Variants in ANAPC10 observed in about 807,000 individuals in gnomAD.
ANAPC10 encodes anaphase-promoting complex subunit 10.
Under a neutral mutation model 22.0 loss-of-function variants are expected in ANAPC10, and 12 were observed. That is an observed-to-expected ratio of 0.55 (90% CI 0.35 to 0.88). The LOEUF is 0.88. Ranked by LOEUF, ANAPC10 falls within the 40% of genes least tolerant of loss-of-function variation. The pLI is 0.01. For missense variants in ANAPC10, 188 were observed against 220.9 expected (o/e 0.85, Z 0.94); for synonymous variants, 65 against 69.5 (o/e 0.94, Z 0.32).
chr4:145,031,949 C>T (rs1302607650), intron 4 of ANAPC10, among the ~76,000 whole-genome samples: 1 of 152,200 alleles, frequency 6.6e-6, no homozygotes, highest in African/African-American at 2.4e-5. Flanking sequence ...TGCACAGCAG[C>T]ATTCCATTAT....
At chr4:144,996,678 T>C (rs1328659559) in intron 4 of ANAPC10, among the ~76,000 whole-genome samples, 2 of 152,108 alleles carry the variant, frequency 1.3e-5, no homozygotes, top group Admixed American at 6.5e-5. Context: ...GCACCTCTTC[T>C]CCTCCAAAGA....
chr4:145,022,202 C>G (rs1401027293), intron 4 of ANAPC10, among the ~76,000 whole-genome samples: 1 of 152,094 alleles, frequency 6.6e-6, no homozygotes, highest in Non-Finnish European at 1.5e-5. Context: ...AAGATACTTG[C>G]ACACACGTTT....
At chr4:145,008,953 C>T (rs1018372902) in intron 4 of ANAPC10, among the ~76,000 whole-genome samples, 30 of 151,988 alleles carry the variant, frequency 2.0e-4, no homozygotes, top group African/African-American at 5.3e-4. Flanking sequence ...CTGTCTCAGC[C>T]CAAAATCTCC....
In ANAPC10 at chr4:144,995,386, C is replaced by T. The variant is rs1731459048; in HGVS notation, c.545G>A (p.Arg182His). 3.1e-6 allele frequency: 5 copies of T among 1,607,216 alleles called. No individual in the cohort carries two copies. Among genetic ancestry groups the T allele is most frequent in the Non-Finnish European group, 4.3e-6 (5 of 1,174,942 alleles). Residue 182 changes from arginine (R) to histidine (H), a missense_variant, in exon 5 of 5, where the codon CGT becomes CAT. Arg to His is a conservative substitution (Grantham distance 29). Coordinates refer to ENST00000507656, the MANE Select transcript of ANAPC10 (RefSeq NM_001256706.2). ...RCTTIDFMMY[R>H]SIR The stretch of plus-strand genomic sequence containing the variant: ...CTCATTTTAAAGTCACCTTATTGAA[C>T]GATACATCATGAAATCTATAGTTGT...
chr4:145,054,072 C>A (rs1015066745), intron 4 of ANAPC10, among the ~76,000 whole-genome samples: 1 of 151,602 alleles, frequency 6.6e-6, no homozygotes, highest in African/African-American at 2.4e-5. Flanking sequence ...CCATTCCCAG[C>A]TAATTTTTCT....
At chr4:145,066,993 G>A (rs1253433436) in intron 3 of ANAPC10, among the ~76,000 whole-genome samples, 1 of 152,048 alleles carries the variant, frequency 6.6e-6, no homozygotes, top group Non-Finnish European at 1.5e-5. Context: ...TCTAAGCCAT[G>A]AGTTATTATC....
intron 3 of ANAPC10, among the ~76,000 whole-genome samples, chr4:145,066,500 G>A (rs1482991301): frequency 1.3e-5 from 2 of 151,564 alleles, no homozygotes; most frequent in African/African-American, 4.8e-5. Context: ...TTTTAAGGAA[G>A]AAAAGAAAGG....
At chr4:145,094,036 C>T (rs778378987) in intron 2 of ANAPC10, among the ~76,000 whole-genome samples, 66 of 152,250 alleles carry the variant, frequency 4.3e-4, no homozygotes, top group African/African-American at 1.5e-3. Context: ...AATTTGGAAG[C>T]GGTCCACAGA....
intron 4 of ANAPC10, among the ~76,000 whole-genome samples, chr4:145,061,194 G>A (rs1742835184): frequency 2.0e-5 from 3 of 151,924 alleles, no homozygotes; most frequent in African/African-American, 7.2e-5. Flanking sequence ...ACCTATAAGA[G>A]CTCTTTTTCT....
intron 3 of ANAPC10, among the ~76,000 whole-genome samples, chr4:145,068,962 G>A (rs1365541103): frequency 6.6e-6 from 1 of 152,162 alleles, no homozygotes; most frequent in Non-Finnish European, 1.5e-5. Flanking sequence ...ATGCTAAGAT[G>A]AAAGTTTTCG....
intron 4 of ANAPC10, among the ~76,000 whole-genome samples, chr4:145,041,074 C>G (rs2127137156): frequency 1.3e-5 from 2 of 152,238 alleles, no homozygotes; most frequent in Middle Eastern, 6.8e-3. Context: ...AAACACTTTG[C>G]TTGTAGGATC....
chr4:145,034,457 T>C (rs905821414), intron 4 of ANAPC10, among the ~76,000 whole-genome samples: 3 of 150,568 alleles, frequency 2.0e-5, no homozygotes, highest in Admixed American at 2.0e-4. Context: ...TCCTTGCTCC[T>C]CAGCTTGCAG....
intron 4 of ANAPC10, among the ~76,000 whole-genome samples, chr4:145,022,040 G>C (rs926151011): frequency 3.9e-5 from 6 of 152,064 alleles, no homozygotes; most frequent in African/African-American, 1.4e-4. Context: ...AGTGATCAGG[G>C]AACACTTCTA....
intron 2 of ANAPC10, among the ~76,000 whole-genome samples, chr4:145,084,196 T>A (rs1026303219): frequency 1.3e-5 from 2 of 152,210 alleles, no homozygotes; most frequent in African/African-American, 4.8e-5. Flanking sequence ...TGGATTTGTA[T>A]CTTAAATTTG....
intron 4 of ANAPC10, among the ~76,000 whole-genome samples, chr4:145,024,277 T>C (rs1263038475): frequency 6.6e-6 from 1 of 152,232 alleles, no homozygotes; most frequent in Non-Finnish European, 1.5e-5. Flanking sequence ...TCCAAACTCT[T>C]GTTAATGTTC....
At chr4:145,076,195 G>A (rs1441084637) in intron 3 of ANAPC10, among the ~76,000 whole-genome samples, 1 of 152,188 alleles carries the variant, frequency 6.6e-6, no homozygotes, top group African/African-American at 2.4e-5. Flanking sequence ...CCCCTCATTG[G>A]AGTGTTGTTG....
intron 3 of ANAPC10, among the ~76,000 whole-genome samples, chr4:145,072,821 T>C (rs188019726): frequency 6.6e-6 from 1 of 152,280 alleles, no homozygotes; most frequent in East Asian, 1.9e-4. Context: ...AATGAATATC[T>C]AGTTGAGTCT....
At chr4:145,086,337 A>G (rs1328019903) in intron 2 of ANAPC10, among the ~76,000 whole-genome samples, 1 of 152,216 alleles carries the variant, frequency 6.6e-6, no homozygotes, top group Admixed American at 6.5e-5. Flanking sequence ...AGGTATCCAG[A>G]AAATCCACAC....
chr4:145,022,995 G>C (rs1044245642), intron 4 of ANAPC10, among the ~76,000 whole-genome samples: 4 of 151,958 alleles, frequency 2.6e-5, no homozygotes, highest in African/African-American at 9.7e-5. Flanking sequence ...TTTACATTAG[G>C]TATATCTCCT....
Sources: gnomAD v4.1 joint callset for allele counts (sites outside exome capture counted in the v4.1 genomes callset) on GRCh38, gnomAD v4.1.1 for gene constraint, MANE v1.5 for transcripts, NCBI Gene and HGNC (gene_info 2026-07-23, HGNC 2026-07-21) for gene names.